CPEB3: variants seen among roughly 807,000 people sequenced by gnomAD.
The protein encoded by CPEB3 is cytoplasmic polyadenylation element binding protein 3, also known as cytoplasmic polyadenylation element-binding protein 3.
A neutral mutation model predicts 67.2 loss-of-function variants in CPEB3; 20 were observed. The ratio of observed to expected loss-of-function variants is 0.30; its 90% CI spans 0.21 to 0.43. CPEB3 has a LOEUF of 0.43. Among genes scored for constraint, CPEB3 ranks in the 20% least tolerant of loss-of-function variants. The pLI, the probability that CPEB3 is intolerant of heterozygous loss-of-function variation, is 1.00. For synonymous variants in CPEB3, 376 were observed against 393.1 expected, an observed-to-expected ratio of 0.96 and a Z score of 0.51; for missense variants, 746 against 968.6, an observed-to-expected ratio of 0.77 and a Z score of 3.05.
chr10:92,155,548 G>A (rs1847167286), intron 4 of CPEB3, among the ~76,000 whole-genome samples: 1 of 152,206 alleles, frequency 6.6e-6, no homozygotes. Flanking sequence ...ATTTAAGGAA[G>A]ATGACTTCTT....
chr10:92,071,564 T>C (rs1481011032), intron 9 of CPEB3, among the ~76,000 whole-genome samples: 2 of 151,780 alleles, frequency 1.3e-5, no homozygotes, highest in African/African-American at 4.8e-5. Context: ...ACTCCATCTC[T>C]ACTAAGAACT....
At chr10:92,160,334 T>C (rs1847412058) in intron 4 of CPEB3, among the ~76,000 whole-genome samples, 2 of 152,212 alleles carry the variant, frequency 1.3e-5, no homozygotes, top group Admixed American at 6.5e-5. Flanking sequence ...AAGGGACTTT[T>C]ATACTGTTTA....
intron 4 of CPEB3, among the ~76,000 whole-genome samples, chr10:92,168,299 C>T (rs1282671171): frequency 6.6e-6 from 1 of 152,130 alleles, no homozygotes; most frequent in Admixed American, 6.5e-5. Context: ...GTATCTTAAG[C>T]AAAACAGGAT....
intron 4 of CPEB3, among the ~76,000 whole-genome samples, chr10:92,159,615 T>C (rs1847370064): frequency 6.6e-6 from 1 of 151,892 alleles, no homozygotes; most frequent in Non-Finnish European, 1.5e-5. Flanking sequence ...GAGGTTGCAG[T>C]GAGCCGAGAT....
At chr10:92,211,125 A>C (rs1300538367) in intron 2 of CPEB3, among the ~76,000 whole-genome samples, 1 of 152,246 alleles carries the variant, frequency 6.6e-6, no homozygotes, top group East Asian at 1.9e-4. Context: ...TATAAGTGAG[A>C]ATATATGTAA....
chr10:92,073,794 G>C (rs1272973230), intron 9 of CPEB3, among the ~76,000 whole-genome samples: 1 of 152,108 alleles, frequency 6.6e-6, no homozygotes, highest in African/African-American at 2.4e-5. Flanking sequence ...GTCCAAAAAA[G>C]ACAGCTCTGC....
At chr10:92,217,272 C>CAT (rs1198972471) in intron 2 of CPEB3, among the ~76,000 whole-genome samples, 19 of 131,498 alleles carry the variant, frequency 1.4e-4, no homozygotes, top group African/African-American at 4.8e-4. Flanking sequence ...CACACACACA[C>CAT]ATATATATAT....
intron 6 of CPEB3, among the ~76,000 whole-genome samples, chr10:92,114,598 G>A (rs1378852307): frequency 6.6e-6 from 1 of 152,226 alleles, no homozygotes; most frequent in African/African-American, 2.4e-5. Flanking sequence ...ACTGTTCTAA[G>A]TGCCTTGTGG....
At chr10:92,285,323 T>C (rs1249192877) in intron 1 of CPEB3, among the ~76,000 whole-genome samples, 1 of 152,178 alleles carries the variant, frequency 6.6e-6, no homozygotes, top group Admixed American at 6.5e-5. Context: ...CAGGCTGGAG[T>C]GTAGCGGCAC....
intron 1 of CPEB3, among the ~76,000 whole-genome samples, chr10:92,276,366 C>A (rs1255388173): frequency 6.6e-6 from 1 of 150,882 alleles, no homozygotes; most frequent in Non-Finnish European, 1.5e-5. Flanking sequence ...GCAACCTCCA[C>A]CTCCCAGTTT....
chr10:92,094,399 G>A (rs1176428306), intron 7 of CPEB3, among the ~76,000 whole-genome samples: 2 of 151,830 alleles, frequency 1.3e-5, no homozygotes, highest in African/African-American at 4.8e-5. Flanking sequence ...TCAGGAGATC[G>A]AGACCATCCT....
rs1180768822 is a variant in CPEB3 at position 92,280,551 on chromosome 10, G to A, written c.-12+10375C>T. Among the ~76,000 whole-genome samples the A allele has an allele frequency of 4.0e-5, 6 of 148,706 alleles. 1 individual carries two copies. In the South Asian group the frequency reaches 8.5e-4, roughly 21 times the overall value. The stretch of plus-strand genomic sequence containing the variant: ...GCCTGGGCAATGTGGCAAAACCCTC[G>A]TCTCTACAAAAAGTATATAAATTAG... On this transcript the variant is annotated intron_variant, in intron 1 of 9. Transcript: ENST00000265997.
Position 92,049,747 on chromosome 10 carries a change from CAG to C in CPEB3, c.*2463_*2464del. 1 of 152,650 alleles carries C rather than the reference CAG, an allele frequency of 6.6e-6. No individual in the cohort carries two copies. The highest frequency in any genetic ancestry group is 2.1e-4 in the South Asian group (1 of 4,820). 9.5% of individuals were successfully genotyped at this position (152,650 alleles called of 1,614,324 possible). A position where few individuals can be genotyped will look rare whatever the true frequency, so the allele number is the denominator to read the frequency against. Reference sequence around the variant, plus strand: ...AATCTTCCAGCTTTTAAAAAAATCTCAGTGTTATTTTAATACATGAAAGAGGG... The same window carrying C: ...AATCTTCCAGCTTTTAAAAAAATCTCTGTTATTTTAATACATGAAAGAGGG... On this transcript the variant is annotated 3_prime_UTR_variant, in exon 10 of 10. Coordinates refer to ENST00000265997, the MANE Select transcript of CPEB3 (RefSeq NM_014912.5).
chr10:92,083,517 T>C (rs1843241386), intron 8 of CPEB3, among the ~76,000 whole-genome samples: 1 of 152,234 alleles, frequency 6.6e-6, no homozygotes, highest in African/African-American at 2.4e-5. Context: ...CGGCTAATGT[T>C]ACTGCAGTAA....
intron 6 of CPEB3, among the ~76,000 whole-genome samples, chr10:92,140,143 T>C (rs1309232330): frequency 1.3e-5 from 2 of 150,816 alleles, no homozygotes; most frequent in Non-Finnish European, 2.9e-5. Context: ...TTAAAGTTCA[T>C]ATGGAACCAA....
chr10:92,196,508 C>T (rs1849240569), intron 2 of CPEB3, among the ~76,000 whole-genome samples: 1 of 152,156 alleles, frequency 6.6e-6, no homozygotes, highest in Non-Finnish European at 1.5e-5. Flanking sequence ...GTGGCTCACG[C>T]CTGTAATCCC....
chr10:92,265,657 G>C (rs967728250), intron 1 of CPEB3, among the ~76,000 whole-genome samples: 81 of 151,376 alleles, frequency 5.4e-4, no homozygotes, highest in Admixed American at 3.3e-4. Context: ...GCTGAGGCAG[G>C]AGAATCGCTT....
chr10:92,267,728 A>G (rs1853124989), intron 1 of CPEB3, among the ~76,000 whole-genome samples: 1 of 152,226 alleles, frequency 6.6e-6, no homozygotes, highest in Non-Finnish European at 1.5e-5. Flanking sequence ...GAACACCTCC[A>G]ATGAAAGCCA....
In CPEB3 at chr10:92,049,413, A is replaced by G. The variant is rs1157942490; in HGVS notation, c.*2799T>C. On this transcript the variant is annotated 3_prime_UTR_variant, in exon 10 of 10. Coordinates refer to ENST00000265997, the MANE Select transcript of CPEB3 (RefSeq NM_014912.5). ...AGAACACCTCTGTGTTTTAAAAAAT[A>G]ATTTTTTTGAAGGACCCTCTCTTTT... 1 of 152,480 alleles carries G rather than the reference A, an allele frequency of 6.6e-6. No homozygotes were observed. Among genetic ancestry groups the G allele is most frequent in the Non-Finnish European group, 1.5e-5 (1 of 68,026 alleles). 9.4% of individuals were successfully genotyped at this position (152,480 alleles called of 1,614,324 possible).
Sources: gnomAD v4.1 joint callset for allele counts (sites outside exome capture counted in the v4.1 genomes callset) on GRCh38, gnomAD v4.1.1 for gene constraint, MANE v1.5 for transcripts, NCBI Gene and HGNC (gene_info 2026-07-23, HGNC 2026-07-21) for gene names.